Variants in ESRRG observed in about 807,000 individuals in gnomAD.
ESRRG encodes the protein estrogen-related receptor gamma.
ESRRG carries 13 observed loss-of-function variants against 44.0 expected under a neutral mutation model. The ratio of observed to expected loss-of-function variants is 0.30; its 90% confidence interval spans 0.19 to 0.47. The LOEUF is 0.47. Among genes scored for constraint, ESRRG ranks in the 20% least tolerant of loss-of-function variants. The pLI is 1.00. For synonymous variants in ESRRG, 215 were observed against 214.6 expected (o/e 1.00, Z -0.02); for missense variants, 395 against 580.6 (o/e 0.68, Z 3.29).
At chr1:216,615,570 A>T (rs1448854197) in intron 3 of ESRRG, among the ~76,000 whole-genome samples, 1 of 151,864 alleles carries the variant, frequency 6.6e-6, no homozygotes, top group African/African-American at 2.4e-5. Context: ...TGAAAAGTCA[A>T]CTCTGTGTTT....
chr1:216,600,685 T>C (rs1558740921), intron 3 of ESRRG, among the ~76,000 whole-genome samples: 1 of 152,094 alleles, frequency 6.6e-6, no homozygotes, highest in Non-Finnish European at 1.5e-5. Context: ...CCCAAATAAA[T>C]AAATCCACTC....
At chr1:216,572,832 T>C (rs2061051491) in intron 3 of ESRRG, among the ~76,000 whole-genome samples, 1 of 151,982 alleles carries the variant, frequency 6.6e-6, no homozygotes, top group African/African-American at 2.4e-5. Flanking sequence ...ATATTCTAAG[T>C]CAAAAACATT....
rs2149597476 is a variant in ESRRG, at chr1:216,568,049, C to T, written c.639G>A (p.Arg213=). The T allele has an allele frequency of 6.2e-7, 1 of 1,613,892 alleles. No homozygotes were observed. Among genetic ancestry groups the T allele is most frequent in the East Asian group, 2.2e-5 (1 of 44,848 alleles). Residue 213 remains arginine (R), a synonymous_variant, in exon 4 of 7, where the codon AGG becomes AGA. Transcript: ENST00000408911. ...VRGGRQKYKR[R]IDAENSPYLN... Reference sequence around the variant, plus strand: ...GGTATGGGCTGTTCTCCGCATCTATCCTGCGCTTGTACTTCTGCCGACCTC... The same window carrying T: ...GGTATGGGCTGTTCTCCGCATCTATTCTGCGCTTGTACTTCTGCCGACCTC...
intron 2 of ESRRG, among the ~76,000 whole-genome samples, chr1:216,748,716 T>G (rs1273783843): frequency 1.3e-5 from 2 of 152,206 alleles, no homozygotes; most frequent in Admixed American, 1.3e-4. Flanking sequence ...TGGAAGGATG[T>G]TGTCAGGCCA....
chr1:216,733,721 T>G (rs12095206), intron 2 of ESRRG, among the ~76,000 whole-genome samples: 1 of 152,026 alleles, frequency 6.6e-6, no homozygotes, highest in African/African-American at 2.4e-5. Flanking sequence ...CTGGGCGCAG[T>G]GGCTCACACC....
At chr1:216,661,117 T>A (rs1020975892) in intron 2 of ESRRG, among the ~76,000 whole-genome samples, 13 of 152,220 alleles carry the variant, frequency 8.5e-5, no homozygotes, top group African/African-American at 2.4e-4. Flanking sequence ...TTTTTAGTTC[T>A]GATATAATGA....
chr1:217,101,540 C>T (rs2092512217), intron 1 of ESRRG, among the ~76,000 whole-genome samples: 1 of 152,038 alleles, frequency 6.6e-6, no homozygotes, highest in Non-Finnish European at 1.5e-5. Flanking sequence ...AATTATTGGC[C>T]CAACTTCCTA....
intron 1 of ESRRG, among the ~76,000 whole-genome samples, chr1:217,010,165 C>A (rs1158023177): frequency 6.6e-6 from 1 of 151,942 alleles, no homozygotes; most frequent in African/African-American, 2.4e-5. Context: ...CCCAGCCAGT[C>A]CAAAATGAGA....
intron 6 of ESRRG, among the ~76,000 whole-genome samples, chr1:216,507,926 TA>T: frequency 6.6e-6 from 1 of 152,350 alleles, no homozygotes; most frequent in East Asian, 1.9e-4. Context: ...GTTGCCAAAT[TA>T]TTCTTGTGAG....
chr1:216,862,049 T>C (rs2096062671), intron 2 of ESRRG, among the ~76,000 whole-genome samples: 1 of 152,176 alleles, frequency 6.6e-6, no homozygotes, highest in South Asian at 2.1e-4. Flanking sequence ...ACTAAGGATT[T>C]GGAGCAAGTG....
chr1:216,650,464 T>G (rs944813150), intron 3 of ESRRG, among the ~76,000 whole-genome samples: 1 of 152,218 alleles, frequency 6.6e-6, no homozygotes, highest in Non-Finnish European at 1.5e-5. Flanking sequence ...GTTGCTATTT[T>G]ATGTTTGTTG....
intron 2 of ESRRG, among the ~76,000 whole-genome samples, chr1:216,925,939 G>A (rs188292381): frequency 6.6e-6 from 1 of 151,968 alleles, no homozygotes; most frequent in East Asian, 1.9e-4. Flanking sequence ...AACAGAGCTA[G>A]ACTCTGTCTC....
chr1:216,879,484 C>CAAAA lies in ESRRG; in HGVS notation c.-14+60094_-14+60097dup, dbSNP rs755104959. On this transcript the variant is annotated intron_variant, in intron 2 of 7. Transcript: ENST00000359162. ...ACTCTTGAGGGGAAAAAAAGGCCACCAAAAAAAAAAAAAAAAAAAAAGAAG... is the reference window on the plus strand; with the variant it reads ...ACTCTTGAGGGGAAAAAAAGGCCACCAAAAAAAAAAAAAAAAAAAAAAAAAGAAG... 9.0e-3 allele frequency among the ~76,000 whole-genome samples: 802 copies of CAAAA among 89,152 alleles called. 3 individuals are homozygous for CAAAA. The highest frequency in any genetic ancestry group is 0.047 in the East Asian group (130 of 2,748). The allele number at this position is 89,152 out of a possible 152,430, so 58.5% of individuals were successfully genotyped here.
intron 2 of ESRRG, among the ~76,000 whole-genome samples, chr1:216,660,648 T>C (rs981782015): frequency 6.6e-6 from 1 of 152,238 alleles, no homozygotes; most frequent in Non-Finnish European, 1.5e-5. Flanking sequence ...GTTGCTATTG[T>C]TGCCAGTCAG....
At chr1:217,098,347 T>C (rs1458777045) in intron 1 of ESRRG, among the ~76,000 whole-genome samples, 1 of 152,164 alleles carries the variant, frequency 6.6e-6, no homozygotes, top group Non-Finnish European at 1.5e-5. Context: ...TAGAAAGTGC[T>C]TTAACACCTG....
chr1:216,901,531 CT>C (rs2059074173), intron 2 of ESRRG, among the ~76,000 whole-genome samples: 1 of 152,014 alleles, frequency 6.6e-6, no homozygotes, highest in Admixed American at 6.6e-5. Context: ...CCACATCTGG[CT>C]AATTTTTTAA....
At chr1:216,758,404 G>A (rs1020252329) in intron 2 of ESRRG, among the ~76,000 whole-genome samples, 3 of 152,046 alleles carry the variant, frequency 2.0e-5, no homozygotes, top group South Asian at 2.1e-4. Flanking sequence ...AGCCTCAGAC[G>A]TGGTTTGTTC....
At chr1:216,904,008 G>C (rs2059398459) in intron 2 of ESRRG, among the ~76,000 whole-genome samples, 1 of 152,100 alleles carries the variant, frequency 6.6e-6, no homozygotes, top group Non-Finnish European at 1.5e-5. Flanking sequence ...TGAACCTCTT[G>C]ATAATTCAGT....
intron 1 of ESRRG, among the ~76,000 whole-genome samples, chr1:217,088,833 G>T (rs1395227640): frequency 6.6e-6 from 1 of 151,978 alleles, no homozygotes; most frequent in African/African-American, 2.4e-5. Flanking sequence ...CCAAACAAGG[G>T]GTGCAGGGGT....
Sources: gnomAD v4.1 joint callset for allele counts (sites outside exome capture counted in the v4.1 genomes callset) on GRCh38, gnomAD v4.1.1 for gene constraint, MANE v1.5 for transcripts, NCBI Gene and HGNC (gene_info 2026-07-23, HGNC 2026-07-21) for gene names.